MAP2: variants seen among roughly 807,000 people sequenced by gnomAD.
The protein encoded by MAP2 is microtubule associated protein 2, also known as microtubule-associated protein 2.
Under a neutral mutation model 137.6 loss-of-function variants are expected in MAP2, and 14 were observed. That is an observed-to-expected ratio of 0.10 (90% CI 0.07 to 0.16). The LOEUF is 0.16. Among genes scored for constraint, MAP2 ranks in the 10% least tolerant of loss-of-function variants. The pLI is 1.00. For missense variants in MAP2, 2,088 were observed against 2,191.5 expected, an observed-to-expected ratio of 0.95 and a Z score of 0.94; for synonymous variants, 786 against 782.3, an observed-to-expected ratio of 1.00 and a Z score of -0.08.
intron 12 of MAP2, 149 bp downstream of exon 12, chr2:209,705,876 T>G: frequency 1.5e-6 from 1 of 681,974 alleles, no homozygotes; most frequent in Admixed American, 3.2e-5. Flanking sequence ...ATCCAGAATG[T>G]AGATGGCTGC....
chr2:209,655,765 G>A (rs2095101751), intron 5 of MAP2, among the ~76,000 whole-genome samples: 1 of 152,278 alleles, frequency 6.6e-6, no homozygotes, highest in East Asian at 1.9e-4. Context: ...CAATCTACCA[G>A]TGTATTACAT....
chr2:209,687,761 C>G (rs1319715935), intron 7 of MAP2, among the ~76,000 whole-genome samples: 4 of 152,126 alleles, frequency 2.6e-5, no homozygotes, highest in Admixed American at 6.5e-5. Context: ...CACAGGTTCC[C>G]CAGCCATGAA....
At chr2:209,432,709 A>G (rs1694638936) in intron 1 of MAP2, among the ~76,000 whole-genome samples, 1 of 152,146 alleles carries the variant, frequency 6.6e-6, no homozygotes, top group African/African-American at 2.4e-5. Context: ...AGTAGATTGT[A>G]CAGAGTTTCT....
At chr2:209,721,008 A>G (rs2070552406) in intron 13 of MAP2, among the ~76,000 whole-genome samples, 2 of 151,622 alleles carry the variant, frequency 1.3e-5, no homozygotes, top group African/African-American at 2.4e-5. Context: ...AAATTTTTCT[A>G]TTTTATGAAA....
At chr2:209,537,242 A>G (rs1258350220) in intron 2 of MAP2, among the ~76,000 whole-genome samples, 3 of 152,116 alleles carry the variant, frequency 2.0e-5, no homozygotes, top group South Asian at 2.1e-4. Context: ...TGTTATGGTG[A>G]TCTGTGATCA....
intron 2 of MAP2, among the ~76,000 whole-genome samples, chr2:209,560,867 C>T (rs1288136814): frequency 3.3e-5 from 5 of 151,854 alleles, no homozygotes; most frequent in Non-Finnish European, 7.4e-5. Flanking sequence ...TTTATACTCT[C>T]AAATTAAAAC....
chr2:209,531,652 C>A (rs1464740185), intron 2 of MAP2, among the ~76,000 whole-genome samples: 1 of 152,090 alleles, frequency 6.6e-6, no homozygotes, highest in African/African-American at 2.4e-5. Context: ...TTTTAGAAAT[C>A]TGTTATGTTA....
intron 1 of MAP2, among the ~76,000 whole-genome samples, chr2:209,494,432 TAA>T (rs34659853): frequency 7.4e-6 from 1 of 135,612 alleles, no homozygotes; most frequent in East Asian, 2.1e-4. Context: ...AAAGTATAAT[TAA>T]AAAAAAAAAA....
At position 209,730,625 on chromosome 2, in the gene MAP2, T is replaced by G; in HGVS notation, c.*228T>G. ...GACACTGGCTTTACATGGGTTCAAT[T>G]GGACAATTATTTTTGCTCTGCTCTG... On this transcript the variant is annotated 3_prime_UTR_variant, in exon 16 of 16. Transcript: ENST00000682079. 1.9e-6 allele frequency: 1 copy of G among 525,144 alleles called. No homozygotes were observed. The highest frequency in any genetic ancestry group is 3.4e-6 in the Non-Finnish European group (1 of 292,700). The allele number at this position is 525,144 out of a possible 1,614,324, so 32.5% of individuals were successfully genotyped here. A position where few individuals can be genotyped will look rare whatever the true frequency, so the allele number is the denominator to read the frequency against.
In MAP2 at chr2:209,659,007, GTCT is replaced by G. The variant is rs1366413321; in HGVS notation, c.262+5580_262+5582del. On this transcript the variant is annotated intron_variant, in intron 5 of 15. Transcript: ENST00000682079. ...TTCCATGAGGATATCTGTCATTAGT[GTCT>G]TCTTTTTACAAATAAGAAGACTAAG... 3.3e-5 allele frequency among the ~76,000 whole-genome samples: 5 copies of G among 152,196 alleles called. No individual in the cohort carries two copies. In the South Asian group the frequency reaches 6.2e-4, roughly 19 times the overall value.
At chr2:209,600,538 T>A (rs1051841328) in intron 3 of MAP2, among the ~76,000 whole-genome samples, 5 of 152,166 alleles carry the variant, frequency 3.3e-5, no homozygotes, top group Non-Finnish European at 5.9e-5. Flanking sequence ...AGACAGTTTT[T>A]CCCCCTAACT....
intron 1 of MAP2, among the ~76,000 whole-genome samples, chr2:209,504,277 A>G (rs900956389): frequency 4.0e-5 from 6 of 151,396 alleles, no homozygotes; most frequent in African/African-American, 1.2e-4. Flanking sequence ...AAAAAAAAAA[A>G]TCCCACAGTA....
rs1215805672 is a variant in MAP2, at chr2:209,732,969, G to T, written c.*2572G>T. The T allele has an allele frequency of 6.6e-6, 1 of 152,564 alleles. No homozygotes were observed. The highest frequency in any genetic ancestry group is 1.5e-5 in the Non-Finnish European group (1 of 68,030). The allele number at this position is 152,564 out of a possible 1,614,324, so 9.5% of individuals were successfully genotyped here. On this transcript the variant is annotated 3_prime_UTR_variant, in exon 16 of 16. Transcript: ENST00000682079. ...TTAAATATCTTCTTGTGGGGTTAAGGGGTAGAACCTATCTTGCCTTCACTC... is the reference window on the plus strand; with the variant it reads ...TTAAATATCTTCTTGTGGGGTTAAGTGGTAGAACCTATCTTGCCTTCACTC...
chr2:209,451,994 TTCTC>T (rs1256128882), intron 1 of MAP2, among the ~76,000 whole-genome samples: 1 of 152,198 alleles, frequency 6.6e-6, no homozygotes, highest in Non-Finnish European at 1.5e-5. Context: ...TTTTTCATCT[TTCTC>T]TCTTTTCAAT....
intron 3 of MAP2, among the ~76,000 whole-genome samples, chr2:209,581,483 A>G (rs1283456318): frequency 6.6e-6 from 1 of 152,204 alleles, no homozygotes; most frequent in Non-Finnish European, 1.5e-5. Flanking sequence ...GGAATCGTGT[A>G]TGAAATCCCC....
chr2:209,430,017 A>G (rs1693812577), intron 1 of MAP2, among the ~76,000 whole-genome samples: 1 of 151,942 alleles, frequency 6.6e-6, no homozygotes, highest in Non-Finnish European at 1.5e-5. Context: ...TTAAGAGTCT[A>G]CCTTTTTGAG....
At chr2:209,491,068 A>C (rs1224832218) in intron 1 of MAP2, among the ~76,000 whole-genome samples, 1 of 152,184 alleles carries the variant, frequency 6.6e-6, no homozygotes, top group African/African-American at 2.4e-5. Context: ...CTCCTCAGCA[A>C]ATGCAAAAGA....
chr2:209,697,067 T>C lies in MAP2; in HGVS notation c.4522+16T>C, dbSNP rs372492263. The C allele has an allele frequency of 7.0e-6, 11 of 1,569,296 alleles. No individual in the cohort carries two copies. Among genetic ancestry groups the C allele is most frequent in the Non-Finnish European group, 6.0e-6 (7 of 1,165,304 alleles). On this transcript the variant is annotated intron_variant, in intron 10 of 15. Coordinates refer to ENST00000682079, the MANE Select transcript of MAP2 (RefSeq NM_001375505.1). ...AAAACCACAGGTGACTGTTCAATTCTGCAATGTGACTGGCAAACATAGACA... is the reference window on the plus strand; with the variant it reads ...AAAACCACAGGTGACTGTTCAATTCCGCAATGTGACTGGCAAACATAGACA...
chr2:209,478,801 A>G (rs1708025334), intron 1 of MAP2, among the ~76,000 whole-genome samples: 1 of 152,140 alleles, frequency 6.6e-6, no homozygotes, highest in African/African-American at 2.4e-5. Flanking sequence ...AAATGTTTTA[A>G]TTGATGTCTT....
Sources: allele counts gnomAD v4.1 joint callset (sites outside exome capture counted in the v4.1 genomes callset), GRCh38; gene constraint gnomAD v4.1.1; transcripts MANE v1.5; gene names NCBI Gene and HGNC (gene_info 2026-07-23, HGNC 2026-07-21).